The following CCNG2 variants were observed in gnomAD, a reference collection of about 807,000 sequenced individuals.
CCNG2 encodes the protein cyclin-G2.
CCNG2 carries 20 observed loss-of-function variants against 36.5 expected under a neutral mutation model. That is an observed-to-expected ratio of 0.55 (90% confidence interval 0.39 to 0.80). The LOEUF is 0.80. Ranked by LOEUF, CCNG2 falls within the 30% of genes least tolerant of loss-of-function variation. The probability of loss-of-function intolerance (pLI) is 0.00; values close to 1 mark genes in which losing one functional copy is unlikely to be tolerated. For missense variants in CCNG2, 358 were observed against 390.8 expected (o/e 0.92, Z 0.71); for synonymous variants, 155 against 140.1 (o/e 1.11, Z -0.75).
In CCNG2 at chr4:77,164,236, A is replaced by T. The variant is rs4150085; in HGVS notation, c.706-38A>T. 3 of 1,488,624 alleles carry T rather than the reference A, an allele frequency of 2.0e-6. No individual in the cohort carries two copies. In the African/African-American group the frequency reaches 4.2e-5, roughly 21 times the overall value. The allele number at this position is 1,488,624 out of a possible 1,614,324, so 92.2% of individuals were successfully genotyped here. ...ATTCCAAGGTGCAGCAAGATTTGGG[A>T]GACATTGCCGTAACCTCTTAAAATA... On this transcript the variant is annotated intron_variant, in intron 6 of 7. Coordinates refer to ENST00000316355, the MANE Select transcript of CCNG2 (RefSeq NM_004354.3).
At position 77,161,706 on chromosome 4, in the gene CCNG2, G is replaced by A; in HGVS notation, c.664G>A (p.Glu222Lys). ...GGAAGTGGAAACTTTGAAATCTGTT[G>A]AATTACTGGAAATTCTCTTGCTAGT... is the stretch of plus-strand genomic sequence containing the variant. ...NLEVETLKSVELLEILLLVKK... is the reference protein window; with the variant it reads ...NLEVETLKSVKLLEILLLVKK... The change falls in exon 6 of 8, where the codon GAA becomes AAA. Residue 222 changes from glutamate to lysine, a missense_variant. Glu to Lys is a moderately conservative substitution (Grantham distance 56). Transcript: ENST00000316355. The A allele has an allele frequency of 6.2e-7, 1 of 1,610,058 alleles. No individual in the cohort carries two copies. The highest frequency in any genetic ancestry group is 8.5e-7 in the Non-Finnish European group (1 of 1,178,392).
At chr4:77,164,716 G>C in intron 7 of CCNG2, 1 of 398,878 alleles carries the variant, frequency 2.5e-6, no homozygotes, top group South Asian at 3.4e-5. Context: ...ATTTTTTTGA[G>C]TAGAGATAGG....
rs1370775899 is a variant in CCNG2, at chr4:77,167,007, T to C, written c.*1083T>C. ...ACATGTAAATCTTTTAAAATGTACATAAAATACTGTATTTTTTTACCTTGT... is the reference window on the plus strand; with the variant it reads ...ACATGTAAATCTTTTAAAATGTACACAAAATACTGTATTTTTTTACCTTGT... On this transcript the variant is annotated 3_prime_UTR_variant, in exon 8 of 8. Transcript: ENST00000316355. 6.6e-6 allele frequency: 1 copy of C among 152,202 alleles called. No individual in the cohort carries two copies. Among genetic ancestry groups the C allele is most frequent in the Non-Finnish European group, 1.5e-5 (1 of 68,026 alleles). 9.4% of individuals were successfully genotyped at this position (152,202 alleles called of 1,614,324 possible).
rs1319264857 is a variant in CCNG2, at chr4:77,168,506, A to G, written c.*2582A>G. ...ATTCATGACATACAAGTCTCTGTCT[A>G]ATCTGAACACTGCACCTGTCTCTGG... On this transcript the variant is annotated 3_prime_UTR_variant, in exon 8 of 8. Coordinates refer to ENST00000316355, the MANE Select transcript of CCNG2 (RefSeq NM_004354.3). The G allele has an allele frequency of 6.6e-6, 1 of 152,226 alleles. No homozygotes were observed. Among genetic ancestry groups the G allele is most frequent in the Non-Finnish European group, 1.5e-5 (1 of 68,036 alleles). The allele number at this position is 152,226 out of a possible 1,614,324, so 9.4% of individuals were successfully genotyped here.
At chr4:77,158,038 T>C (rs1731315165) in intron 1 of CCNG2, among the ~76,000 whole-genome samples, 2 of 151,794 alleles carry the variant, frequency 1.3e-5, no homozygotes, top group African/African-American at 4.8e-5. Flanking sequence ...CGAGAGGGGC[T>C]TCTGCAGCTG....
chr4:77,162,336 C>G (rs1361071938), intron 6 of CCNG2, among the ~76,000 whole-genome samples: 1 of 142,438 alleles, frequency 7.0e-6, no homozygotes, highest in Non-Finnish European at 1.5e-5. Flanking sequence ...GTTATTGTGT[C>G]TTGGTGCCAG....
At position 77,159,385 on chromosome 4, in the gene CCNG2, C is replaced by T. The variant is rs778633615; in HGVS notation, c.157C>T (p.Pro53Ser). The T allele has an allele frequency of 6.2e-7, 1 of 1,612,042 alleles. No homozygotes were observed. The highest frequency in any genetic ancestry group is 8.5e-7 in the Non-Finnish European group (1 of 1,179,038). ...ATPENDNTLC[P>S]GLRNAKVEDL... The stretch of plus-strand genomic sequence containing the variant: ...ATTGCAGAATGATAACACTTTGTGT[C>T]CAGGATTGAGAAATGCCAAAGTTGA... The change falls in exon 3 of 8, where the codon CCA becomes TCA. Residue 53 changes from proline (P) to serine (S), a missense_variant. Physicochemically the swap from Pro to Ser is moderately conservative, Grantham distance 74 (BLOSUM62 -1). Transcript: ENST00000316355.
intron 1 of CCNG2, 27 bp from the exon 2 acceptor site, chr4:77,158,506 A>G: frequency 1.9e-6 from 3 of 1,613,548 alleles, no homozygotes; most frequent in Non-Finnish European, 1.7e-6. Context: ...CCCAGATTAC[A>G]TTCTCTGTGT....
chr4:77,165,082 T>G (rs1247755954), intron 7 of CCNG2: 2 of 152,246 alleles, frequency 1.3e-5, no homozygotes, highest in Admixed American at 6.5e-5. Flanking sequence ...TCAATTGGTG[T>G]TGTCTTATTC....
At chr4:77,159,154 T>A (rs779582472) in intron 2 of CCNG2, among the ~76,000 whole-genome samples, 2 of 152,272 alleles carry the variant, frequency 1.3e-5, no homozygotes, top group Non-Finnish European at 2.9e-5. Context: ...TTATGATGCG[T>A]ATTTTTAAGA....
intron 2 of CCNG2, among the ~76,000 whole-genome samples, chr4:77,159,024 G>A (rs1731351328): frequency 6.6e-6 from 1 of 152,178 alleles, no homozygotes; most frequent in Non-Finnish European, 1.5e-5. Flanking sequence ...AATCTTAAAT[G>A]ACTTTAGAAA....
chr4:77,163,795 A>G (rs1731550514), intron 6 of CCNG2, among the ~76,000 whole-genome samples: 2 of 152,348 alleles, frequency 1.3e-5, no homozygotes, highest in South Asian at 4.1e-4. Context: ...TTAGTTTTGT[A>G]TCTGGTGTTA....
chr4:77,159,030 AG>A (rs921089813), intron 2 of CCNG2, among the ~76,000 whole-genome samples: 23 of 152,362 alleles, frequency 1.5e-4, no homozygotes, highest in Non-Finnish European at 3.4e-4. Context: ...AAATGACTTT[AG>A]AAAAGCAAAC....
chr4:77,161,727 C>G lies in CCNG2; in HGVS notation c.685C>G (p.Leu229Val), dbSNP rs146772036. The G allele has an allele frequency of 2.9e-4, 467 of 1,600,268 alleles. 3 individuals carry two copies. The African/African-American group carries it at 5.3e-3, about 18-fold the overall frequency. The change falls in exon 6 of 8, where the codon CTA becomes GTA. Residue 229 changes from leucine (L) to valine (V), a missense_variant. Coordinates refer to ENST00000316355, the MANE Select transcript of CCNG2 (RefSeq NM_004354.3). ...KSVELLEILLLVKKHSKINDT... is the reference protein window; with the variant it reads ...KSVELLEILLVVKKHSKINDT... ...TGTTGAATTACTGGAAATTCTCTTG[C>G]TAGTTAAAAAACATTCCAAGGTAAT...
At position 77,157,526 on chromosome 4, in the gene CCNG2, G is replaced by C. The variant is rs1041441115; in HGVS notation, c.-1+20G>C. The C allele has an allele frequency of 6.6e-6, 1 of 152,558 alleles. No homozygotes were observed. Among genetic ancestry groups the C allele is most frequent in the East Asian group, 1.9e-4 (1 of 5,188 alleles). 9.5% of individuals were successfully genotyped at this position (152,558 alleles called of 1,614,324 possible). A position where few individuals can be genotyped will look rare whatever the true frequency, so the allele number is the denominator to read the frequency against. On this transcript the variant is annotated intron_variant, in intron 1 of 7. Coordinates refer to ENST00000316355, the MANE Select transcript of CCNG2 (RefSeq NM_004354.3). ...GGCACGGTGAGTGGACCCGCCCAGG[G>C]CCGCCGTGGGTTTCTTTGTTCGTGG...
At chr4:77,159,895 C>T (rs1731381677) in intron 3 of CCNG2, among the ~76,000 whole-genome samples, 3 of 152,204 alleles carry the variant, frequency 2.0e-5, no homozygotes, top group African/African-American at 7.2e-5. Flanking sequence ...ATATGACCGG[C>T]TGCCTTCCCT....
At chr4:77,158,155 A>C in intron 1 of CCNG2, 7 of 188,780 alleles carry the variant, frequency 3.7e-5, no homozygotes, top group Non-Finnish European at 4.4e-5. Context: ...CATCCCCGGG[A>C]CCCGCTGCAG....
In CCNG2 at chr4:77,166,469, T is replaced by C. The variant is rs1353731436; in HGVS notation, c.*545T>C. ...TCTATTTGATGTGATGCAGATCTTA[T>C]AAATTTGGGAATTATAATATTGACA... On this transcript the variant is annotated 3_prime_UTR_variant, in exon 8 of 8. Transcript: ENST00000316355. 4 of 152,218 alleles carry C rather than the reference T, an allele frequency of 2.6e-5. No individual in the cohort carries two copies. Among genetic ancestry groups the C allele is most frequent in the Admixed American group, 2.0e-4 (3 of 15,284 alleles). 9.4% of individuals were successfully genotyped at this position (152,218 alleles called of 1,614,324 possible). A position where few individuals can be genotyped will look rare whatever the true frequency, so the allele number is the denominator to read the frequency against.
chr4:77,161,399 G>C, intron 4 of CCNG2, 81 bp from the exon 5 acceptor site: 1 of 1,121,524 alleles, frequency 8.9e-7, no homozygotes, highest in Admixed American at 2.3e-5. Flanking sequence ...ACCGCGTCTG[G>C]CCCTGGCAAA....
Sources: gnomAD v4.1 joint callset for allele counts (sites outside exome capture counted in the v4.1 genomes callset) on GRCh38, gnomAD v4.1.1 for gene constraint, MANE v1.5 for transcripts, NCBI Gene and HGNC (gene_info 2026-07-23, HGNC 2026-07-21) for gene names.